Variants in ACTN3 observed in about 807,000 individuals in gnomAD.
ACTN3 encodes actinin alpha 3.
Under a neutral mutation model 119.6 loss-of-function variants are expected in ACTN3, and 91 were observed. The observed-to-expected ratio is 0.76, with a 90% CI of 0.64 to 0.91. The LOEUF (loss-of-function observed/expected upper bound fraction) is 0.91. Ranked by LOEUF, ACTN3 falls within the 40% of genes least tolerant of loss-of-function variation. ACTN3 has a pLI of 0.00. For synonymous variants in ACTN3, 456 were observed against 478.8 expected (o/e 0.95, Z 0.62); for missense variants, 1,221 against 1,215.1 (o/e 1.00, Z -0.07).
Position 66,562,959 on chromosome 11 carries a change from G to A in ACTN3, c.2547+5G>A, listed in dbSNP as rs1857825357. 1 of 1,611,920 alleles carries A rather than the reference G, an allele frequency of 6.2e-7. No individual in the cohort carries two copies. Among genetic ancestry groups the A allele is most frequent in the Admixed American group, 1.7e-5 (1 of 59,924 alleles). ...AAGATCTTGGCAGGAGACAAGGTGA[G>A]TCCCAGGCGGTGGAGGGGCTGGTGG... On this transcript the variant is annotated splice_donor_5th_base_variant and intron_variant, in intron 20 of 20. Coordinates refer to ENST00000513398, the MANE Select transcript of ACTN3 (RefSeq NM_001104.4).
intron 14 of ACTN3, 77 bp from the exon 15 acceptor site, chr11:66,560,496 G>C: frequency 6.6e-7 from 1 of 1,517,118 alleles, no homozygotes; most frequent in Non-Finnish European, 8.9e-7. Context: ...TGGGTGGCCT[G>C]GGGCACACTG....
intron 8 of ACTN3, among the ~76,000 whole-genome samples, chr11:66,556,464 T>C (rs1857593060): frequency 6.6e-6 from 1 of 152,216 alleles, no homozygotes; most frequent in Non-Finnish European, 1.5e-5. Flanking sequence ...TTTGTTTGTT[T>C]TTTGAGACAG....
Position 66,560,172 on chromosome 11 carries a change from G to T in ACTN3, c.1538G>T (p.Arg513Leu). 1 of 1,602,400 alleles carries T rather than the reference G, an allele frequency of 6.2e-7. No individual in the cohort carries two copies. Among genetic ancestry groups the T allele is most frequent in the Non-Finnish European group, 8.5e-7 (1 of 1,174,822 alleles). ...ACCCACTACGCCTCCCACCTCTAGC[G>T]GATGGAGAAGCTCCTGGAGACCATT... ...LTQKRRDALERMEKLLETIDR... is the reference protein window; with the variant it reads ...LTQKRRDALELMEKLLETIDR... Residue 513 changes from arginine to leucine, a missense_variant and splice_region_variant, in exon 14 of 21, where the codon CGG (arginine) becomes CTG (leucine). Coordinates refer to ENST00000513398, the MANE Select transcript of ACTN3 (RefSeq NM_001104.4).
chr11:66,551,684 A>C (rs767459465), intron 3 of ACTN3, 37 bp downstream of exon 3: 1 of 1,610,768 alleles, frequency 6.2e-7, no homozygotes, highest in East Asian at 2.2e-5. Context: ...GGCAGGGCAC[A>C]GGGGCCTCTC....
At chr11:66,561,862 TGGGGTG>T in intron 17 of ACTN3, 154 bp from the exon 18 acceptor site, 1 of 220,230 alleles carries the variant, frequency 4.5e-6, no homozygotes. Context: ...GAAGGACTGC[TGGGGTG>T]GGGGTGGGTT....
At chr11:66,562,213 G>A (rs991344874) in intron 18 of ACTN3, 44 bp from the exon 19 acceptor site, 3 of 1,613,914 alleles carry the variant, frequency 1.9e-6, no homozygotes, top group African/African-American at 1.3e-5. Flanking sequence ...TTGGGGGCTG[G>A]TGGAGGCTGG....
rs777277860 is a variant in ACTN3 at position 66,560,741 on chromosome 11, AC to A, written c.1848del (p.Lys617SerfsTer25). Reference protein sequence around the residue: ...YITLSPQDINTKWDMVRKLVP... With the variant: ...YITLSPQDINXKWDMVRKLVP... ...CACCCTCAGCCCGCAGGACATCAACACCAAGTGGGATATGGTCAGTGCCACC... is the reference window on the plus strand; with the variant it reads ...CACCCTCAGCCCGCAGGACATCAACACAAGTGGGATATGGTCAGTGCCACC... On this transcript the variant is annotated frameshift_variant, in exon 15 of 21. Transcript: ENST00000513398. LOFTEE classifies it high-confidence loss of function. 1 of 1,611,968 alleles carries A rather than the reference AC, an allele frequency of 6.2e-7. No individual in the cohort carries two copies. Among genetic ancestry groups the A allele is most frequent in the South Asian group, 1.1e-5 (1 of 90,918 alleles).
chr11:66,546,912 G>C lies in ACTN3; in HGVS notation c.-26G>C, dbSNP rs370058043. The C allele has an allele frequency of 4.4e-4, 674 of 1,530,740 alleles. 2 individuals carry two copies. In the African/African-American group the frequency reaches 7.0e-3, roughly 16 times the overall value. The allele number at this position is 1,530,740 out of a possible 1,614,324, so 94.8% of individuals were successfully genotyped here. On this transcript the variant is annotated 5_prime_UTR_variant, in exon 1 of 21. Transcript: ENST00000513398. ...CCGGGTGTCCGAGAGCGTGCCGAGC[G>C]GAGCGAAGCCAGGAGCCCGATCGAG...
chr11:66,558,474 C>T lies in ACTN3; in HGVS notation c.1276+300C>T, dbSNP rs1262828103. Among the ~76,000 whole-genome samples the T allele has an allele frequency of 1.3e-5, 2 of 152,158 alleles. 1 individual carries two copies. The highest frequency in any genetic ancestry group is 4.8e-5 in the African/African-American group (2 of 41,444). On this transcript the variant is annotated intron_variant, in intron 11 of 20. Transcript: ENST00000513398. ...TCTCTGCCTCCCAGGCTCAAGCGATCCTCCTGCCTCAGCCACCCAAGTAGC... is the reference window on the plus strand; with the variant it reads ...TCTCTGCCTCCCAGGCTCAAGCGATTCTCCTGCCTCAGCCACCCAAGTAGC...
chr11:66,555,042 C>T, intron 5 of ACTN3, 88 bp from the exon 6 acceptor site: 1 of 1,175,826 alleles, frequency 8.5e-7, no homozygotes, highest in Non-Finnish European at 1.3e-6. Context: ...ACAGATGAGG[C>T]TGTCCTTCTG....
chr11:66,560,330 G>A lies in ACTN3; in HGVS notation c.1677+19G>A, dbSNP rs1292495139. On this transcript the variant is annotated intron_variant, in intron 14 of 20. Transcript: ENST00000513398. Reference sequence around the variant, plus strand: ...GACCCAGGTGGGTGCCAGGGTTGCAGGGGATGGATAGGATGACAGGAAAGC... The same window carrying A: ...GACCCAGGTGGGTGCCAGGGTTGCAAGGGATGGATAGGATGACAGGAAAGC... 1.2e-6 allele frequency: 2 copies of A among 1,607,612 alleles called. No individual in the cohort carries two copies. The highest frequency in any genetic ancestry group is 1.7e-6 in the Non-Finnish European group (2 of 1,176,176).
rs1273029759 is a variant in ACTN3 at position 66,551,667 on chromosome 11, G to A, written c.382+20G>A. 21 of 1,612,754 alleles carry A rather than the reference G, an allele frequency of 1.3e-5. No individual in the cohort carries two copies. Among genetic ancestry groups the A allele is most frequent in the Non-Finnish European group, 1.7e-5 (20 of 1,179,910 alleles). On this transcript the variant is annotated intron_variant, in intron 3 of 20. Transcript: ENST00000513398. ...CTGAAGGTGAGGAGGTGGCAGGAAGGGTCTTGGGCAGGGCACAGGGGCCTC... is the reference window on the plus strand; with the variant it reads ...CTGAAGGTGAGGAGGTGGCAGGAAGAGTCTTGGGCAGGGCACAGGGGCCTC...
rs528222234 is a variant in ACTN3, at chr11:66,554,153, T to A, written c.469+22T>A. 1.7e-5 allele frequency: 28 copies of A among 1,609,596 alleles called. No homozygotes were observed. The Admixed American group carries it at 3.7e-4, about 21-fold the overall frequency. The stretch of plus-strand genomic sequence containing the variant: ...GAAGGTGAGCAATGGGAAAGGAGGT[T>A]GGGGCCAGGTGCAGTGGCTGGGGCC... On this transcript the variant is annotated intron_variant, in intron 4 of 20. Coordinates refer to ENST00000513398, the MANE Select transcript of ACTN3 (RefSeq NM_001104.4).
chr11:66,554,494 G>A (rs1226050284), intron 4 of ACTN3, 42 bp from the exon 5 acceptor site: 3 of 1,464,976 alleles, frequency 2.0e-6, no homozygotes, highest in Non-Finnish European at 2.8e-6. Flanking sequence ...GGGCTGACCT[G>A]GACCCCTTCC....
At chr11:66,554,693 G>A in intron 5 of ACTN3, 70 bp downstream of exon 5, 1 of 1,272,492 alleles carries the variant, frequency 7.9e-7, no homozygotes, top group Non-Finnish European at 1.1e-6. Context: ...AGCCCTCCCT[G>A]GTCAGTGAAG....
intron 19 of ACTN3, 135 bp downstream of exon 19, chr11:66,562,457 C>A: frequency 1.8e-6 from 2 of 1,097,534 alleles, no homozygotes; most frequent in Non-Finnish European, 2.7e-6. Flanking sequence ...GCTAGCAAGG[C>A]TCAGGGAGGT....
Position 66,562,082 on chromosome 11 carries a change from G to A in ACTN3, c.2236G>A (p.Glu746Lys), listed in dbSNP as rs1305151578. 1.2e-6 allele frequency: 2 copies of A among 1,613,842 alleles called. No homozygotes were observed. Among genetic ancestry groups the A allele is most frequent in the Non-Finnish European group, 1.7e-6 (2 of 1,179,962 alleles). Residue 746 changes from glutamate (E) to lysine (K), a missense_variant, in exon 18 of 21, where the codon GAG becomes AAG. Coordinates refer to ENST00000513398, the MANE Select transcript of ACTN3 (RefSeq NM_001104.4). ...TSIARTINEVENQVLTRDAKG... is the reference protein window; with the variant it reads ...TSIARTINEVKNQVLTRDAKG... ...CATTGCCCGCACCATCAATGAAGTG[G>A]AGAACCAGGTACTGACCCGAGACGC...
At chr11:66,560,393 G>A in intron 14 of ACTN3, 82 bp downstream of exon 14, 2 of 1,526,466 alleles carry the variant, frequency 1.3e-6, no homozygotes, top group Non-Finnish European at 1.8e-6. Flanking sequence ...TTAGGCTCCT[G>A]GGGCATAGGG....
upstream of ACTN3, chr11:66,546,465 G>C: frequency 6.8e-7 from 1 of 1,470,442 alleles, no homozygotes; most frequent in Non-Finnish European, 9.1e-7. Context: ...CATCACCCCA[G>C]AAAACATGCA....
Sources: allele counts gnomAD v4.1 joint callset (sites outside exome capture counted in the v4.1 genomes callset), GRCh38; gene constraint gnomAD v4.1.1; transcripts MANE v1.5; gene names NCBI Gene and HGNC (gene_info 2026-07-23, HGNC 2026-07-21).